Variants in TAFA1 observed in about 807,000 individuals in gnomAD.
TAFA1 encodes the protein TAFA chemokine like family member 1, also known as chemokine-like protein TAFA-1.
TAFA1 carries 4 observed loss-of-function variants against 18.5 expected under a neutral mutation model. The observed-to-expected ratio is 0.22, with a 90% CI of 0.11 to 0.49. The LOEUF (loss-of-function observed/expected upper bound fraction) is 0.49, where lower values mean the gene tolerates loss of function less well. Among genes scored for constraint, TAFA1 ranks in the 20% least tolerant of loss-of-function variants. The pLI, the probability that TAFA1 is intolerant of heterozygous loss-of-function variation, is 0.98. For missense variants in TAFA1, 147 were observed against 169.0 expected (o/e 0.87, Z 0.72); for synonymous variants, 56 against 55.2 (o/e 1.01, Z -0.06).
chr3:68,246,469 A>C (rs926116335), intron 2 of TAFA1, among the ~76,000 whole-genome samples: 9 of 151,624 alleles, frequency 5.9e-5, no homozygotes, highest in Admixed American at 2.6e-4. Context: ...GGGCGCCTGT[A>C]GTCCCAGCTA....
intron 2 of TAFA1, among the ~76,000 whole-genome samples, chr3:68,405,138 A>T (rs969976529): frequency 6.6e-5 from 10 of 152,154 alleles, no homozygotes; most frequent in African/African-American, 2.2e-4. Flanking sequence ...GTACCTTTAT[A>T]TCTTCATAAA....
At chr3:68,008,897 T>C (rs1419819695) in intron 2 of TAFA1, among the ~76,000 whole-genome samples, 1 of 152,106 alleles carries the variant, frequency 6.6e-6, no homozygotes, top group African/African-American at 2.4e-5. Flanking sequence ...TCTGCTCTCA[T>C]TCCCCATTTA....
intron 2 of TAFA1, among the ~76,000 whole-genome samples, chr3:68,298,722 T>G (rs1298116171): frequency 6.6e-6 from 1 of 152,192 alleles, no homozygotes; most frequent in Non-Finnish European, 1.5e-5. Flanking sequence ...TTCCTGCCAC[T>G]TTTTGAAGAA....
chr3:68,544,928 C>A lies in TAFA1; in HGVS notation c.*425C>A, dbSNP rs567193852. 1 of 152,034 alleles carries A rather than the reference C, an allele frequency of 6.6e-6. No homozygotes were observed. The highest frequency in any genetic ancestry group is 2.4e-5 in the African/African-American group (1 of 41,460). The allele number at this position is 152,034 out of a possible 1,614,324, so 9.4% of individuals were successfully genotyped here. A position where few individuals can be genotyped will look rare whatever the true frequency, so the allele number is the denominator to read the frequency against. On this transcript the variant is annotated 3_prime_UTR_variant, in exon 5 of 5. Coordinates refer to ENST00000478136, the MANE Select transcript of TAFA1 (RefSeq NM_213609.4). The stretch of plus-strand genomic sequence containing the variant: ...AGTTTTGGATGTTTTGTCTGTTTTG[C>A]TTTGTTTTGTTAGTCATTTCTTTTT...
the TAFA1 span, among the ~76,000 whole-genome samples, chr3:67,994,820 T>G: frequency 6.6e-6 from 1 of 152,208 alleles, no homozygotes; most frequent in Non-Finnish European, 1.5e-5. Flanking sequence ...TGCATGACTT[T>G]GGCCCAAACT....
chr3:68,114,445 T>TA (rs1299105966), intron 2 of TAFA1, among the ~76,000 whole-genome samples: 2 of 152,218 alleles, frequency 1.3e-5, no homozygotes, highest in Non-Finnish European at 2.9e-5. Flanking sequence ...TAAAATAAGT[T>TA]ACTTCACAAA....
At position 68,181,822 on chromosome 3, in the gene TAFA1, G is replaced by C. The variant is rs189729577; in HGVS notation, c.118+175078G>C. ...GCAACACTTTCATCTGTAAAATAGGGTGAAATCTAAGTTATGAAAGAAGCA... is the reference window on the plus strand; with the variant it reads ...GCAACACTTTCATCTGTAAAATAGGCTGAAATCTAAGTTATGAAAGAAGCA... On this transcript the variant is annotated intron_variant, in intron 2 of 4. Transcript: ENST00000478136. Among the ~76,000 whole-genome samples, 235 of 152,282 alleles carry C rather than the reference G, an allele frequency of 1.5e-3. 1 individual carries two copies. Among genetic ancestry groups the C allele is most frequent in the Non-Finnish European group, 2.5e-3 (168 of 68,016 alleles).
At chr3:68,451,785 G>A (rs1220997233) in intron 3 of TAFA1, among the ~76,000 whole-genome samples, 2 of 152,196 alleles carry the variant, frequency 1.3e-5, no homozygotes, top group Non-Finnish European at 1.5e-5. Flanking sequence ...AGAGTTGTGC[G>A]GGCTGGAGGG....
chr3:68,019,340 T>G (rs1704637509), intron 2 of TAFA1, among the ~76,000 whole-genome samples: 1 of 152,210 alleles, frequency 6.6e-6, no homozygotes, highest in African/African-American at 2.4e-5. Flanking sequence ...GAGTTATTGT[T>G]TCCCAATAAA....
intron 2 of TAFA1, among the ~76,000 whole-genome samples, chr3:68,105,258 A>G (rs780452846): frequency 2.0e-5 from 3 of 152,146 alleles, no homozygotes; most frequent in Non-Finnish European, 2.9e-5. Context: ...TGGAGGGGAC[A>G]TTCAAAATAT....
At chr3:68,442,633 G>A (rs2071404872) in intron 3 of TAFA1, among the ~76,000 whole-genome samples, 1 of 152,156 alleles carries the variant, frequency 6.6e-6, no homozygotes, top group African/African-American at 2.4e-5. Context: ...GAGGGAGGCA[G>A]GGAGGAAAGG....
chr3:68,372,763 A>G (rs560952213), intron 2 of TAFA1, among the ~76,000 whole-genome samples: 4 of 152,292 alleles, frequency 2.6e-5, no homozygotes, highest in East Asian at 3.9e-4. Flanking sequence ...AATCAATCAG[A>G]CAGAAAACAA....
intron 2 of TAFA1, among the ~76,000 whole-genome samples, chr3:68,341,943 T>C (rs2069092783): frequency 6.6e-6 from 1 of 152,090 alleles, no homozygotes; most frequent in Non-Finnish European, 1.5e-5. Context: ...ACCAAGGTGG[T>C]TTTGGAACTA....
chr3:68,125,830 C>G (rs2065457875), intron 2 of TAFA1, among the ~76,000 whole-genome samples: 1 of 152,114 alleles, frequency 6.6e-6, no homozygotes, highest in African/African-American at 2.4e-5. Context: ...TCAACACTGA[C>G]TGAGTGTGCT....
intron 2 of TAFA1, among the ~76,000 whole-genome samples, chr3:68,200,346 T>C (rs1296572806): frequency 6.6e-6 from 1 of 151,636 alleles, no homozygotes; most frequent in Non-Finnish European, 1.5e-5. Flanking sequence ...GCTGGACTTA[T>C]TAAATGAGTT....
At chr3:68,248,818 A>C (rs1407088699) in intron 2 of TAFA1, among the ~76,000 whole-genome samples, 1 of 151,920 alleles carries the variant, frequency 6.6e-6, no homozygotes, top group Non-Finnish European at 1.5e-5. Context: ...TGTTAAGTAA[A>C]AATGCTGTAT....
chr3:68,395,810 A>T (rs1335744227), intron 2 of TAFA1, among the ~76,000 whole-genome samples: 1 of 151,974 alleles, frequency 6.6e-6, no homozygotes, highest in Non-Finnish European at 1.5e-5. Context: ...CTGTTGGAGG[A>T]TGGTGGGCAA....
chr3:68,089,358 A>G (rs565454185), intron 2 of TAFA1, among the ~76,000 whole-genome samples: 1 of 152,346 alleles, frequency 6.6e-6, no homozygotes, highest in South Asian at 2.1e-4. Context: ...TGTAGCAAGT[A>G]GATTATAAAC....
intron 2 of TAFA1, among the ~76,000 whole-genome samples, chr3:68,311,992 C>T (rs2068528296): frequency 6.6e-6 from 1 of 152,222 alleles, no homozygotes; most frequent in Non-Finnish European, 1.5e-5. Context: ...TCCCAAACCC[C>T]AGTTATTGAC....
Sources: gnomAD v4.1 joint callset for allele counts (sites outside exome capture counted in the v4.1 genomes callset) on GRCh38, gnomAD v4.1.1 for gene constraint, MANE v1.5 for transcripts, NCBI Gene and HGNC (gene_info 2026-07-23, HGNC 2026-07-21) for gene names.